Variants in C9orf153 observed in about 807,000 individuals in gnomAD.
C9orf153 encodes the protein chromosome 9 open reading frame 153, also known as uncharacterized protein C9orf153.
C9orf153 carries 10 observed loss-of-function variants against 9.0 expected under a neutral mutation model. The ratio of observed to expected loss-of-function variants is 1.11; its 90% CI spans 0.69 to 1.89. The LOEUF is 1.89. C9orf153 is among the 40% of genes most tolerant of loss of function. The pLI, the probability that C9orf153 is intolerant of heterozygous loss-of-function variation, is 0.00. For synonymous variants in C9orf153, 35 were observed against 37.3 expected, an observed-to-expected ratio of 0.94 and a Z score of 0.23; for missense variants, 108 against 111.0, an observed-to-expected ratio of 0.97 and a Z score of 0.12.
At chr9:86,244,132 TTAG>T (rs1340944389) in intron 1 of C9orf153, among the ~76,000 whole-genome samples, 9 of 152,236 alleles carry the variant, frequency 5.9e-5, no homozygotes, top group African/African-American at 2.2e-4. Context: ...AAGTATCTCA[TTAG>T]GGATTTTCAT....
At chr9:86,221,837 C>A (rs1163884839) in intron 3 of C9orf153, 104 bp from the exon 4 acceptor site, 9 of 625,592 alleles carry the variant, frequency 1.4e-5, no homozygotes, top group Non-Finnish European at 2.4e-5. Flanking sequence ...GAACTCGAGT[C>A]CCCTCTTTCT....
intron 2 of C9orf153, 88 bp from the exon 3 acceptor site, chr9:86,228,118 G>T: frequency 1.1e-6 from 1 of 941,762 alleles, no homozygotes; most frequent in Non-Finnish European, 1.5e-6. Flanking sequence ...AAAACCATAG[G>T]ACAATAAATA....
intron 2 of C9orf153, 77 bp from the exon 3 acceptor site, chr9:86,228,107 A>G: frequency 9.4e-7 from 1 of 1,059,786 alleles, no homozygotes. Flanking sequence ...AAACCCTAGA[A>G]AAAACCATAG....
intron 3 of C9orf153, among the ~76,000 whole-genome samples, chr9:86,223,399 C>T (rs139321193): frequency 0.059 from 8,933 of 152,068 alleles, 872 homozygotes; most frequent in African/African-American, 0.2. Context: ...ACCTGGGAGG[C>T]GGAGGTTGCA....
chr9:86,227,835 C>CT lies in C9orf153; in HGVS notation c.242+19dup. 1 of 1,590,502 alleles carries CT rather than the reference C, an allele frequency of 6.3e-7. No homozygotes were observed. The highest frequency in any genetic ancestry group is 8.5e-7 in the Non-Finnish European group (1 of 1,170,148). Reference sequence around the variant, plus strand: ...AGCTCAATCATGGATGCTTGCTTCTCTTTTTTAACCACTGTGCACCTGATA... The same window carrying CT: ...AGCTCAATCATGGATGCTTGCTTCTCTTTTTTTAACCACTGTGCACCTGATA... On this transcript the variant is annotated intron_variant, in intron 3 of 3. Transcript: ENST00000339137.
At chr9:86,248,024 G>A (rs1262623197) in intron 1 of C9orf153, among the ~76,000 whole-genome samples, 1 of 152,220 alleles carries the variant, frequency 6.6e-6, no homozygotes, top group Non-Finnish European at 1.5e-5. Context: ...CCCTTGATGT[G>A]ATGAGTATGT....
intron 1 of C9orf153, among the ~76,000 whole-genome samples, chr9:86,238,537 T>C (rs769023915): frequency 5.3e-5 from 8 of 152,220 alleles, no homozygotes; most frequent in Non-Finnish European, 8.8e-5. Flanking sequence ...AATACATCTA[T>C]AGTGAAGGCT....
At chr9:86,228,359 G>A (rs1824388659) in intron 2 of C9orf153, among the ~76,000 whole-genome samples, 1 of 152,174 alleles carries the variant, frequency 6.6e-6, no homozygotes, top group Non-Finnish European at 1.5e-5. Context: ...GAGTGACCAC[G>A]GAGAGAAATA....
intron 1 of C9orf153, among the ~76,000 whole-genome samples, chr9:86,246,214 T>A (rs975310803): frequency 6.6e-6 from 1 of 152,164 alleles, no homozygotes; most frequent in African/African-American, 2.4e-5. Flanking sequence ...AGATAATAAA[T>A]CCATGCTTGG....
At chr9:86,248,850 C>T (rs1824927933) in intron 1 of C9orf153, among the ~76,000 whole-genome samples, 1 of 152,172 alleles carries the variant, frequency 6.6e-6, no homozygotes, top group Admixed American at 6.5e-5. Flanking sequence ...TTCCCCATCA[C>T]CCCAGTTCCA....
At position 86,221,485 on chromosome 9, in the gene C9orf153, T is replaced by A; in HGVS notation, c.*203A>T. The A allele has an allele frequency of 7.7e-7, 1 of 1,292,340 alleles. No homozygotes were observed. Among genetic ancestry groups the A allele is most frequent in the African/African-American group, 1.5e-5 (1 of 65,232 alleles). 80.1% of individuals were successfully genotyped at this position (1,292,340 alleles called of 1,614,324 possible). A position where few individuals can be genotyped will look rare whatever the true frequency, so the allele number is the denominator to read the frequency against. ...AAAGCAAAAATCTACGTCCAAAATA[T>A]TTTAATACACTACATATTCCATTTA... On this transcript the variant is annotated 3_prime_UTR_variant, in exon 4 of 4. Coordinates refer to ENST00000339137, the MANE Select transcript of C9orf153 (RefSeq NM_001276366.4).
At chr9:86,257,477 T>A (rs1207044687) in intron 1 of C9orf153, among the ~76,000 whole-genome samples, 1 of 152,154 alleles carries the variant, frequency 6.6e-6, no homozygotes, top group Non-Finnish European at 1.5e-5. Context: ...CTTTTTCAGT[T>A]CTCTCAGCTG....
intron 1 of C9orf153, among the ~76,000 whole-genome samples, chr9:86,229,920 G>A (rs1824432155): frequency 6.6e-6 from 1 of 152,068 alleles, no homozygotes; most frequent in South Asian, 2.1e-4. Context: ...GAGAAGCAGG[G>A]CACGTCTTAC....
chr9:86,230,389 C>T (rs1824444707), intron 1 of C9orf153, among the ~76,000 whole-genome samples: 1 of 152,258 alleles, frequency 6.6e-6, no homozygotes. Context: ...GCAACCTCTG[C>T]ATCCCGGGTT....
chr9:86,236,939 T>TA (rs57214746), intron 1 of C9orf153, among the ~76,000 whole-genome samples: 1,271 of 79,882 alleles, frequency 0.016, 9 homozygotes, highest in African/African-American at 0.039. Context: ...CGTCTCTAAA[T>TA]AAAAAAAAAA....
Position 86,236,744 on chromosome 9 carries a change from A to T in C9orf153, c.-26-7115T>A, listed in dbSNP as rs77680756. ...AGTATTAGAGAAGGAGTAAATGAAG[A>T]TTAAAATAAAAATGTTTATTTTTCA... On this transcript the variant is annotated intron_variant, in intron 1 of 3. Coordinates refer to ENST00000339137, the MANE Select transcript of C9orf153 (RefSeq NM_001276366.4). Among the ~76,000 whole-genome samples, 143 of 152,010 alleles carry T rather than the reference A, an allele frequency of 9.4e-4. No individual in the cohort carries two copies. In the East Asian group the frequency reaches 0.021, roughly 22 times the overall value.
At chr9:86,240,088 C>A (rs1223323525) in intron 1 of C9orf153, among the ~76,000 whole-genome samples, 1 of 152,110 alleles carries the variant, frequency 6.6e-6, no homozygotes, top group Non-Finnish European at 1.5e-5. Context: ...TACTATATGC[C>A]TTTATAATCA....
At chr9:86,239,468 A>C (rs760740782) in intron 1 of C9orf153, among the ~76,000 whole-genome samples, 1 of 152,234 alleles carries the variant, frequency 6.6e-6, no homozygotes, top group Non-Finnish European at 1.5e-5. Flanking sequence ...AGCTGTCTGT[A>C]GAAATTACAC....
At chr9:86,231,881 A>G (rs1427437875) in intron 1 of C9orf153, among the ~76,000 whole-genome samples, 2 of 152,162 alleles carry the variant, frequency 1.3e-5, no homozygotes, top group Non-Finnish European at 2.9e-5. Flanking sequence ...CTTCCAGTCA[A>G]TCATTGCTAT....
Sources: gnomAD v4.1 joint callset for allele counts (sites outside exome capture counted in the v4.1 genomes callset) on GRCh38, gnomAD v4.1.1 for gene constraint, MANE v1.5 for transcripts, NCBI Gene and HGNC (gene_info 2026-07-23, HGNC 2026-07-21) for gene names.